The following CAMK4 variants were observed in gnomAD, a reference collection of about 807,000 sequenced individuals.
CAMK4 encodes the protein calcium/calmodulin-dependent protein kinase type IV.
Under a neutral mutation model 44.9 loss-of-function variants are expected in CAMK4, and 22 were observed. The ratio of observed to expected loss-of-function variants is 0.49; its 90% CI spans 0.35 to 0.70. CAMK4 has a LOEUF of 0.70. CAMK4 is among the 30% of genes least tolerant of loss of function. The pLI is 0.01. For synonymous variants in CAMK4, 218 were observed against 215.4 expected (o/e 1.01, Z -0.11); for missense variants, 498 against 586.8 (o/e 0.85, Z 1.56).
At chr5:111,459,686 C>CTTTTTTTTTTTTTTTTTTTTT (rs56176713) in intron 7 of CAMK4, among the ~76,000 whole-genome samples, 6 of 86,688 alleles carry the variant, frequency 6.9e-5, no homozygotes, top group African/African-American at 3.0e-4. Flanking sequence ...TAGAGACAGT[C>CTTTTTTTTTTTTTTTTTTTTT]TTTTTTTTTT....
At chr5:111,384,063 A>G (rs965218165) in intron 4 of CAMK4, among the ~76,000 whole-genome samples, 21 of 152,144 alleles carry the variant, frequency 1.4e-4, no homozygotes, top group Non-Finnish European at 1.0e-4. Flanking sequence ...ATTTTCCAGT[A>G]TTGTTAAAGA....
At chr5:111,432,397 G>A (rs1753481509) in intron 5 of CAMK4, among the ~76,000 whole-genome samples, 1 of 151,832 alleles carries the variant, frequency 6.6e-6, no homozygotes, top group Non-Finnish European at 1.5e-5. Context: ...GATGGTTAAT[G>A]GGTACCAAGA....
chr5:111,471,287 A>G (rs954277334), intron 7 of CAMK4, among the ~76,000 whole-genome samples: 4 of 152,136 alleles, frequency 2.6e-5, no homozygotes, highest in Admixed American at 6.5e-5. Context: ...GATGTTGACT[A>G]TTGTTTCTGC....
intron 5 of CAMK4, among the ~76,000 whole-genome samples, chr5:111,435,047 C>T (rs113787672): frequency 1.3e-5 from 2 of 152,032 alleles, no homozygotes; most frequent in African/African-American, 4.8e-5. Context: ...TTTGTTAGAC[C>T]GTAGAGAGAG....
rs901353975 is a variant in CAMK4, at chr5:111,402,424, C to T, written c.459+7642C>T. ...AAATGGTTCTAGAGTTCAGTGAAAT[C>T]GAAATAAGAGAAGTAACACAAAAAT... is the stretch of plus-strand genomic sequence containing the variant. On this transcript the variant is annotated intron_variant, in intron 5 of 10. Transcript: ENST00000282356. 9.2e-5 allele frequency among the ~76,000 whole-genome samples: 14 copies of T among 152,120 alleles called. No individual in the cohort carries two copies. In the East Asian group the frequency reaches 1.2e-3, roughly 13 times the overall value.
At chr5:111,326,036 T>A (rs1246381793) in intron 1 of CAMK4, among the ~76,000 whole-genome samples, 1 of 151,962 alleles carries the variant, frequency 6.6e-6, no homozygotes, top group Admixed American at 6.6e-5. Flanking sequence ...CATTTCTACA[T>A]TAAGAAGCTA....
chr5:111,463,259 T>A (rs903743135), intron 7 of CAMK4, among the ~76,000 whole-genome samples: 2 of 152,208 alleles, frequency 1.3e-5, no homozygotes, highest in Admixed American at 6.5e-5. Flanking sequence ...AAAATGCATT[T>A]TTAAAAACTG....
chr5:111,285,213 A>G (rs535225299), intron 1 of CAMK4, among the ~76,000 whole-genome samples: 2 of 152,340 alleles, frequency 1.3e-5, no homozygotes, highest in South Asian at 4.1e-4. Context: ...AGAAAGAAAT[A>G]TACTAATGAA....
chr5:111,484,101 C>T lies in CAMK4; in HGVS notation c.1057C>T (p.His353Tyr). Reference protein sequence around the residue: ...SSSHGSIQESHKASRDPSPIQ... With the variant: ...SSSHGSIQESYKASRDPSPIQ... ...CAGCCATGGCAGCATCCAGGAGAGC[C>T]ACAAGGCTAGCCGAGACCCTTCTCC... Residue 353 changes from histidine (H) to tyrosine (Y), a missense_variant, in exon 11 of 11, where the codon CAC becomes TAC. By Grantham distance (83) the His-to-Tyr change is moderately conservative. Coordinates refer to ENST00000282356, the MANE Select transcript of CAMK4 (RefSeq NM_001744.6). This position sits in a 1 kb window ranked among gnomAD's most constrained non-coding sequence, Gnocchi z 5.3. 1 of 1,613,750 alleles carries T rather than the reference C, an allele frequency of 6.2e-7. No individual in the cohort carries two copies. Among genetic ancestry groups the T allele is most frequent in the Non-Finnish European group, 8.5e-7 (1 of 1,179,806 alleles).
chr5:111,233,592 G>T (rs1435619544), intron 1 of CAMK4, among the ~76,000 whole-genome samples: 2 of 152,098 alleles, frequency 1.3e-5, no homozygotes, highest in Non-Finnish European at 2.9e-5. Context: ...TAACTAAATA[G>T]GTTTCAAATT....
chr5:111,441,589 AT>A (rs1753824571), intron 5 of CAMK4, among the ~76,000 whole-genome samples: 1 of 152,172 alleles, frequency 6.6e-6, no homozygotes, highest in South Asian at 2.1e-4. Context: ...GACATAGCAG[AT>A]TTTAAAAATC....
intron 1 of CAMK4, among the ~76,000 whole-genome samples, chr5:111,277,088 A>C (rs905192622): frequency 2.2e-4 from 33 of 152,218 alleles, no homozygotes; most frequent in African/African-American, 7.0e-4. Flanking sequence ...AAAATGTACT[A>C]TTGAAAAAGT....
intron 1 of CAMK4, among the ~76,000 whole-genome samples, chr5:111,226,998 G>A (rs767115329): frequency 1.3e-5 from 2 of 152,158 alleles, no homozygotes; most frequent in Non-Finnish European, 2.9e-5. Flanking sequence ...AAACTACATT[G>A]AGGAACAATA....
chr5:111,264,370 G>T (rs1429473382), intron 1 of CAMK4, among the ~76,000 whole-genome samples: 1 of 152,188 alleles, frequency 6.6e-6, no homozygotes, highest in East Asian at 1.9e-4. Flanking sequence ...TAAACAACTG[G>T]TGGAGGACCT....
At chr5:111,422,645 A>G (rs1343593713) in intron 5 of CAMK4, among the ~76,000 whole-genome samples, 2 of 152,176 alleles carry the variant, frequency 1.3e-5, no homozygotes, top group Non-Finnish European at 2.9e-5. Context: ...TTTTGTTTCT[A>G]TGGCTTCCTG....
intron 2 of CAMK4, among the ~76,000 whole-genome samples, chr5:111,361,106 A>G (rs1364414893): frequency 6.6e-6 from 1 of 152,098 alleles, no homozygotes; most frequent in Non-Finnish European, 1.5e-5. Flanking sequence ...TCCTTGAAAG[A>G]ATAGGCAGTG....
intron 1 of CAMK4, among the ~76,000 whole-genome samples, chr5:111,255,079 G>A (rs1749681510): frequency 6.6e-6 from 1 of 151,914 alleles, no homozygotes; most frequent in South Asian, 2.1e-4. Context: ...AAAAAGAATG[G>A]TTTTATGTGG....
At chr5:111,268,176 G>A (rs1182108266) in intron 1 of CAMK4, among the ~76,000 whole-genome samples, 1 of 152,230 alleles carries the variant, frequency 6.6e-6, no homozygotes, top group South Asian at 2.1e-4. Context: ...GGGGATGAGC[G>A]ATTCTCCTTT....
At chr5:111,409,118 A>T (rs1345380918) in intron 5 of CAMK4, among the ~76,000 whole-genome samples, 2 of 152,176 alleles carry the variant, frequency 1.3e-5, no homozygotes, top group Non-Finnish European at 2.9e-5. Flanking sequence ...TCCACTAGGC[A>T]GTGCCCTGGT....
Sources: allele counts gnomAD v4.1 joint callset (sites outside exome capture counted in the v4.1 genomes callset), GRCh38; gene constraint gnomAD v4.1.1; non-coding constraint Gnocchi (gnomAD v3.1); transcripts MANE v1.5; gene names NCBI Gene and HGNC (gene_info 2026-07-23, HGNC 2026-07-21).